APIP: variants seen among roughly 807,000 people sequenced by gnomAD.
APIP encodes the protein methylthioribulose-1-phosphate dehydratase.
In APIP, 32 loss-of-function variants were observed where a neutral mutation model predicts 32.0. The observed-to-expected ratio is 1.00, with a 90% CI of 0.76 to 1.34. The LOEUF (loss-of-function observed/expected upper bound fraction) is 1.34. Ranked by LOEUF, APIP falls within the 40% of genes most tolerant of loss-of-function variation. The pLI is 0.00. For synonymous variants in APIP, 92 were observed against 94.8 expected (o/e 0.97, Z 0.17); for missense variants, 247 against 298.6 (o/e 0.83, Z 1.27).
rs553745697 is a variant in APIP, at chr11:34,908,500, GCT to G, written c.57+7726_57+7727del. ...TGGTTTTCTTTACTTGAATGCCCCA[GCT>G]CTCTCTTCTACCTTCACCACACTTA... On this transcript the variant is annotated intron_variant, in intron 1 of 6. Transcript: ENST00000395787. 5.3e-5 allele frequency among the ~76,000 whole-genome samples: 8 copies of G among 152,288 alleles called. No homozygotes were observed. The East Asian group carries it at 1.5e-3, about 29-fold the overall frequency.
intron 5 of APIP, among the ~76,000 whole-genome samples, chr11:34,886,709 C>A (rs560768916): frequency 2.7e-4 from 41 of 152,214 alleles, no homozygotes; most frequent in African/African-American, 8.7e-4. Flanking sequence ...TTTTACCAAA[C>A]CTTTTCTATG....
intron 1 of APIP, among the ~76,000 whole-genome samples, chr11:34,913,031 C>T (rs528325524): frequency 4.6e-5 from 7 of 152,226 alleles, no homozygotes; most frequent in South Asian, 4.1e-4. Flanking sequence ...AAAAGTCATT[C>T]TTGACTTCTT....
At chr11:34,883,588 C>T (rs1853009343) in intron 5 of APIP, 84 bp from the exon 6 acceptor site, 1 of 1,397,606 alleles carries the variant, frequency 7.2e-7, no homozygotes. Flanking sequence ...TTCAAGTAAC[C>T]AGTTAGACAT....
intron 2 of APIP, among the ~76,000 whole-genome samples, chr11:34,892,462 G>A (rs893682969): frequency 5.4e-4 from 82 of 152,032 alleles, no homozygotes; most frequent in African/African-American, 2.0e-3. Context: ...ATCTTATAGT[G>A]CCTCAATTAT....
In APIP at chr11:34,898,785, GGTTTTTTTTTTTTTT is replaced by G. The variant is rs1210644523; in HGVS notation, c.58-3690_58-3676del. On this transcript the variant is annotated intron_variant, in intron 1 of 6. Coordinates refer to ENST00000395787, the MANE Select transcript of APIP (RefSeq NM_015957.4). The stretch of plus-strand genomic sequence containing the variant: ...GCGAGCACATAGTATTTCTTTCTTT[GGTTTTTTTTTTTTTT>G]TTTTTTTTTTTTTTTTGAGGCAGAG... Among the ~76,000 whole-genome samples, 283 of 92,094 alleles carry G rather than the reference GGTTTTTTTTTTTTTT, an allele frequency of 3.1e-3. 10 individuals carry two copies. Among genetic ancestry groups the G allele is most frequent in the African/African-American group, 0.012 (267 of 22,748 alleles). 60.4% of individuals were successfully genotyped at this position (92,094 alleles called of 152,430 possible). A position where few individuals can be genotyped will look rare whatever the true frequency, so the allele number is the denominator to read the frequency against.
intron 1 of APIP, among the ~76,000 whole-genome samples, chr11:34,903,938 A>G (rs1357394496): frequency 6.6e-6 from 1 of 152,232 alleles, no homozygotes; most frequent in Non-Finnish European, 1.5e-5. Context: ...CAACGTGCCC[A>G]GAGATTGTTT....
intron 1 of APIP, among the ~76,000 whole-genome samples, chr11:34,895,625 A>T (rs1853256302): frequency 6.6e-6 from 1 of 152,248 alleles, no homozygotes; most frequent in Admixed American, 6.5e-5. Context: ...TTATTGAAAA[A>T]GCAATATATA....
chr11:34,893,551 G>A (rs2133909750), intron 2 of APIP, among the ~76,000 whole-genome samples: 1 of 152,324 alleles, frequency 6.6e-6, no homozygotes, highest in East Asian at 1.9e-4. Context: ...GCAAAATAAT[G>A]TGAAAGCTTG....
chr11:34,900,300 T>C (rs1406307783), intron 1 of APIP, among the ~76,000 whole-genome samples: 1 of 152,146 alleles, frequency 6.6e-6, no homozygotes, highest in Non-Finnish European at 1.5e-5. Context: ...GAGACAGCTA[T>C]TGAATGTCCC....
chr11:34,902,095 TAACTC>T (rs1197971618), intron 1 of APIP, among the ~76,000 whole-genome samples: 1 of 152,226 alleles, frequency 6.6e-6, no homozygotes, highest in Non-Finnish European at 1.5e-5. Context: ...TATACCCTGT[TAACTC>T]AAATACCTGA....
chr11:34,894,415 G>A (rs947532360), intron 2 of APIP, among the ~76,000 whole-genome samples: 12 of 142,884 alleles, frequency 8.4e-5, no homozygotes, highest in Non-Finnish European at 1.5e-4. Flanking sequence ...TGGGTTGCTT[G>A]AGCCTAGGAG....
chr11:34,886,445 A>G (rs1403584100), intron 5 of APIP, among the ~76,000 whole-genome samples: 1 of 152,182 alleles, frequency 6.6e-6, no homozygotes, highest in East Asian at 1.9e-4. Context: ...GTTAAAAAAA[A>G]AAAGTAAAAG....
intron 1 of APIP, among the ~76,000 whole-genome samples, chr11:34,910,934 A>AT (rs1853537644): frequency 6.6e-6 from 1 of 152,150 alleles, no homozygotes; most frequent in Non-Finnish European, 1.5e-5. Flanking sequence ...TTTCTTTGTG[A>AT]TTTTGGAGGC....
intron 5 of APIP, among the ~76,000 whole-genome samples, chr11:34,885,829 C>G (rs1202773247): frequency 6.6e-6 from 1 of 152,064 alleles, no homozygotes; most frequent in Non-Finnish European, 1.5e-5. Context: ...ATCCCTTTGG[C>G]CTTTTTGGCT....
intron 1 of APIP, among the ~76,000 whole-genome samples, chr11:34,904,990 G>A (rs2915211): frequency 0.59 from 90,110 of 151,608 alleles, 27,940 homozygotes; most frequent in East Asian, 0.74. Context: ...TTTGAGATTC[G>A]CTGCCAAATA....
chr11:34,904,495 T>TA (rs1208168783), intron 1 of APIP, among the ~76,000 whole-genome samples: 1 of 152,242 alleles, frequency 6.6e-6, no homozygotes, highest in African/African-American at 2.4e-5. Flanking sequence ...AATTAGGTCT[T>TA]AGCCCTTTTG....
chr11:34,888,546 G>A, intron 4 of APIP, 118 bp from the exon 5 acceptor site: 1 of 1,433,576 alleles, frequency 7.0e-7, no homozygotes, highest in South Asian at 1.4e-5. Flanking sequence ...ATTTTTCCTG[G>A]CATGGAATAA....
chr11:34,904,428 C>A (rs955631888), intron 1 of APIP, among the ~76,000 whole-genome samples: 6 of 152,218 alleles, frequency 3.9e-5, no homozygotes, highest in African/African-American at 1.4e-4. Flanking sequence ...AAGAAACTCA[C>A]CTTCCTTGGG....
chr11:34,898,785 G>GTTTTTTTTTTTTTTTTTTTTTT (rs1458148861), intron 1 of APIP, among the ~76,000 whole-genome samples: 1 of 92,114 alleles, frequency 1.1e-5, no homozygotes, highest in African/African-American at 4.4e-5. Context: ...TTCTTTCTTT[G>GTTTTTTTTTTTTTTTTTTTTTT]GTTTTTTTTT....
Sources: gnomAD v4.1 joint callset for allele counts (sites outside exome capture counted in the v4.1 genomes callset) on GRCh38, gnomAD v4.1.1 for gene constraint, MANE v1.5 for transcripts, NCBI Gene and HGNC (gene_info 2026-07-23, HGNC 2026-07-21) for gene names.